The following MALRD1 variants were observed in gnomAD, a reference collection of about 807,000 sequenced individuals.
MALRD1 encodes MAM and LDL-receptor class A domain-containing protein 1.
A neutral mutation model predicts 242.1 loss-of-function variants in MALRD1; 247 were observed. That is an observed-to-expected ratio of 1.02 (90% CI 0.92 to 1.13). The LOEUF is 1.13. MALRD1 is among the 50% of genes most tolerant of loss of function. The pLI is 0.00. For synonymous variants in MALRD1, 995 were observed against 866.6 expected (o/e 1.15, Z -2.60); for missense variants, 2,989 against 2,533.1 (o/e 1.18, Z -3.86).
At chr10:19,529,684 A>T (rs1450412772) in intron 31 of MALRD1, among the ~76,000 whole-genome samples, 2 of 152,122 alleles carry the variant, frequency 1.3e-5, no homozygotes, top group Non-Finnish European at 2.9e-5. Flanking sequence ...TATTTGTCAA[A>T]ATAGATGCAA....
At chr10:19,633,572 T>A (rs1365670523) in intron 36 of MALRD1, 1 of 152,142 alleles carries the variant, frequency 6.6e-6, no homozygotes, top group Non-Finnish European at 1.5e-5. Context: ...AATGCCAGCC[T>A]GGTGGCTTCA....
intron 1 of MALRD1, among the ~76,000 whole-genome samples, chr10:19,063,142 T>TC (rs1042230451): frequency 1.2e-3 from 184 of 147,694 alleles, no homozygotes; most frequent in African/African-American, 1.6e-3. Flanking sequence ...CAAGACCCTG[T>TC]CCCCCCCCCA....
intron 26 of MALRD1, 106 bp from the exon 27 acceptor site, chr10:19,387,422 A>G (rs149955445): frequency 5.6e-5 from 75 of 1,347,584 alleles, no homozygotes; most frequent in Admixed American, 5.1e-4. Flanking sequence ...CCTAAGAACA[A>G]TATGTTCCTT....
In MALRD1 at chr10:19,136,618, C is replaced by G. The variant is rs1433682620; in HGVS notation, c.1248C>G (p.Ala416=). The G allele has an allele frequency of 4.9e-6, 6 of 1,231,396 alleles. No individual in the cohort carries two copies. The highest frequency in any genetic ancestry group is 6.1e-6 in the Non-Finnish European group (6 of 987,938). The allele number at this position is 1,231,396 out of a possible 1,614,324, so 76.3% of individuals were successfully genotyped here. Reference sequence around the variant, plus strand: ...TTTTGAGCCAGAGAAGTTTTATTGCCCTTGATCACCTCTGGGTCTATGCCT... The same window carrying G: ...TTTTGAGCCAGAGAAGTTTTATTGCGCTTGATCACCTCTGGGTCTATGCCT... ...GTLLSQRSFI[A]LDHLWVYACG... is the part of the protein sequence containing the mutation. The change falls in exon 10 of 40, where the codon GCC becomes GCG. Residue 416 remains alanine (A), a synonymous_variant. Transcript: ENST00000454679.
chr10:19,188,836 G>C (rs908282425), intron 14 of MALRD1, among the ~76,000 whole-genome samples: 32 of 129,706 alleles, frequency 2.5e-4, no homozygotes, highest in Middle Eastern at 4.3e-3. Context: ...ATGGTGACTT[G>C]AGCTAGGTAG....
At chr10:19,054,563 C>A (rs759456946) in intron 1 of MALRD1, among the ~76,000 whole-genome samples, 1 of 152,150 alleles carries the variant, frequency 6.6e-6, no homozygotes, top group Non-Finnish European at 1.5e-5. Flanking sequence ...CCATTATTGC[C>A]GCCTATACCC....
At chr10:19,117,115 A>G (rs1421115252) in intron 5 of MALRD1, among the ~76,000 whole-genome samples, 1 of 151,558 alleles carries the variant, frequency 6.6e-6, no homozygotes, top group African/African-American at 2.4e-5. Context: ...AAAAAAGAAG[A>G]AAGAAAGAGT....
intron 36 of MALRD1, among the ~76,000 whole-genome samples, chr10:19,657,530 AT>A (rs201775993): frequency 0.011 from 1,659 of 148,994 alleles, 33 homozygotes; most frequent in African/African-American, 0.04. Flanking sequence ...CAGAATTGAG[AT>A]TTTTTTTCTT....
At chr10:19,236,728 CT>C (rs1302519018) in intron 18 of MALRD1, among the ~76,000 whole-genome samples, 5 of 152,054 alleles carry the variant, frequency 3.3e-5, no homozygotes, top group African/African-American at 1.2e-4. Flanking sequence ...TTTCCAAATA[CT>C]TTAAAATTTT....
intron 36 of MALRD1, among the ~76,000 whole-genome samples, chr10:19,682,397 C>A (rs1203435685): frequency 6.6e-6 from 1 of 152,120 alleles, no homozygotes; most frequent in Non-Finnish European, 1.5e-5. Context: ...AGCAAAAGAC[C>A]TGTTAGAATT....
chr10:19,203,813 G>C lies in MALRD1; in HGVS notation c.2037G>C (p.Gln679His). 4 of 1,550,558 alleles carry C rather than the reference G, an allele frequency of 2.6e-6. 1 individual carries two copies. Among genetic ancestry groups the C allele is most frequent in the Middle Eastern group, 1.7e-4 (1 of 5,992 alleles). Reference sequence around the variant, plus strand: ...ATTTTGACTGGATACGGAGCTCTCAGAGTGAACTTTCTGCTGATTTTGAGC... The same window carrying C: ...ATTTTGACTGGATACGGAGCTCTCACAGTGAACTTTCTGCTGATTTTGAGC... ...GDHFDWIRSS[Q>H]SELSADFEHQ... Residue 679 changes from glutamine to histidine, a missense_variant, in exon 15 of 40, where the codon CAG becomes CAC. Physicochemically the swap from Gln to His is conservative, Grantham distance 24 (BLOSUM62 0). Transcript: ENST00000454679.
chr10:19,408,036 G>A (rs895419779), intron 28 of MALRD1, among the ~76,000 whole-genome samples: 3 of 152,040 alleles, frequency 2.0e-5, no homozygotes, highest in Non-Finnish European at 4.4e-5. Context: ...GTATTGCCAG[G>A]CTTTATTATA....
At chr10:19,672,719 C>T (rs1053064388) in intron 36 of MALRD1, among the ~76,000 whole-genome samples, 8 of 151,912 alleles carry the variant, frequency 5.3e-5, no homozygotes, top group Non-Finnish European at 8.8e-5. Context: ...CCACTGGAGC[C>T]GACCAATATA....
intron 32 of MALRD1, among the ~76,000 whole-genome samples, chr10:19,553,448 T>TA (rs1052363318): frequency 3.9e-5 from 6 of 152,160 alleles, no homozygotes; most frequent in Non-Finnish European, 5.9e-5. Context: ...GTTACATCAT[T>TA]AAAAAAATCC....
chr10:19,573,149 C>G (rs1327495140), intron 33 of MALRD1, among the ~76,000 whole-genome samples: 3 of 152,162 alleles, frequency 2.0e-5, no homozygotes, highest in Non-Finnish European at 4.4e-5. Context: ...GCCATGAGCT[C>G]TGGATTCTGT....
chr10:19,463,590 G>GTA (rs140574713), intron 29 of MALRD1, among the ~76,000 whole-genome samples: 4 of 151,412 alleles, frequency 2.6e-5, no homozygotes, highest in African/African-American at 7.3e-5. Context: ...GTGTGTGTGT[G>GTA]TATATACTCT....
chr10:19,307,975 C>T lies in MALRD1; in HGVS notation c.3420-15974C>T, dbSNP rs577960977. Among the ~76,000 whole-genome samples the T allele has an allele frequency of 1.3e-4, 19 of 151,450 alleles. No homozygotes were observed. The East Asian group carries it at 2.0e-3, about 16-fold the overall frequency. ...GATACAGGCATGAAATGAGAAATCACGTCATAGAGAATGGGGTATCCATTC... is the reference window on the plus strand; with the variant it reads ...GATACAGGCATGAAATGAGAAATCATGTCATAGAGAATGGGGTATCCATTC... On this transcript the variant is annotated intron_variant, in intron 21 of 39. Transcript: ENST00000454679.
rs753384799 is a variant in MALRD1 at position 19,113,792 on chromosome 10, T to TACACACACACACACAC, written c.695-9676_695-9661dup. 2.9e-3 allele frequency among the ~76,000 whole-genome samples: 387 copies of TACACACACACACACAC among 134,530 alleles called. 6 individuals are homozygous for TACACACACACACACAC. The highest frequency in any genetic ancestry group is 0.01 in the African/African-American group (365 of 34,796). The allele number at this position is 134,530 out of a possible 152,430, so 88.3% of individuals were successfully genotyped here. A position where few individuals can be genotyped will look rare whatever the true frequency, so the allele number is the denominator to read the frequency against. ...CCTCCACATTGCCACTACCACCCCC[T>TACACACACACACACAC]ACACACACACACACACACACACACA... On this transcript the variant is annotated intron_variant, in intron 5 of 39. Transcript: ENST00000454679.
intron 33 of MALRD1, among the ~76,000 whole-genome samples, chr10:19,578,758 C>T (rs1441529075): frequency 6.6e-6 from 1 of 151,706 alleles, no homozygotes; most frequent in Non-Finnish European, 1.5e-5. Context: ...GTCCAAGAAG[C>T]AAAATATCAA....
Sources: allele counts gnomAD v4.1 joint callset (sites outside exome capture counted in the v4.1 genomes callset), GRCh38; gene constraint gnomAD v4.1.1; transcripts MANE v1.5; gene names NCBI Gene and HGNC (gene_info 2026-07-23, HGNC 2026-07-21).